AFDN: variants seen among roughly 807,000 people sequenced by gnomAD.
The protein encoded by AFDN is afadin.
A neutral mutation model predicts 216.6 loss-of-function variants in AFDN; 68 were observed. The ratio of observed to expected loss-of-function variants is 0.31; its 90% CI spans 0.26 to 0.38. The LOEUF is 0.38. Ranked by LOEUF, AFDN falls within the 10% of genes least tolerant of loss-of-function variation. AFDN has a pLI of 1.00. For missense variants in AFDN, 2,136 were observed against 2,342.0 expected (o/e 0.91, Z 1.82); for synonymous variants, 868 against 853.7 (o/e 1.02, Z -0.29).
intron 31 of AFDN, chr6:167,964,853 T>C: frequency 9.4e-7 from 1 of 1,065,544 alleles, no homozygotes; most frequent in Non-Finnish European, 1.1e-6. Context: ...TTCATCCCCC[T>C]TCTTATTTAC....
intron 11 of AFDN, among the ~76,000 whole-genome samples, chr6:167,898,958 AT>A (rs953854026): frequency 4.6e-5 from 7 of 152,100 alleles, no homozygotes; most frequent in South Asian, 2.1e-4. Flanking sequence ...ATCTAGTAAA[AT>A]TTTTTTGTAG....
intron 6 of AFDN, among the ~76,000 whole-genome samples, chr6:167,881,558 G>A (rs1297077751): frequency 2.0e-5 from 3 of 152,184 alleles, no homozygotes; most frequent in African/African-American, 7.2e-5. Context: ...TCAGGAATTA[G>A]AGGCTTTGGA....
At position 167,951,671 on chromosome 6, in the gene AFDN, G is replaced by A; in HGVS notation, c.4317G>A (p.Arg1439=). 4 of 1,613,992 alleles carry A rather than the reference G, an allele frequency of 2.5e-6. No homozygotes were observed. Among genetic ancestry groups the A allele is most frequent in the Non-Finnish European group, 3.4e-6 (4 of 1,179,940 alleles). Residue 1439 remains arginine (R), a synonymous_variant, in exon 30 of 34, where the codon AGG becomes AGA. Transcript: ENST00000683244. The surrounding 1 kb of genome is among the most constrained non-coding windows in gnomAD (Gnocchi z 7.1). Reference sequence around the variant, plus strand: ...CCCGCCTGGAGGAGGAGCGGGAGAGGAAGCGGAGAGAGCAGGAGAGGAAGT... The same window carrying A: ...CCCGCCTGGAGGAGGAGCGGGAGAGAAAGCGGAGAGAGCAGGAGAGGAAGT... ...EKARLEEERE[R]KRREQERKLG... is the part of the protein sequence containing the mutation.
chr6:167,837,954 A>G (rs1469098041), intron 1 of AFDN, among the ~76,000 whole-genome samples: 2 of 152,208 alleles, frequency 1.3e-5, no homozygotes, highest in South Asian at 2.1e-4. Flanking sequence ...TTTTATTTGG[A>G]TCATATACTT....
Position 167,914,645 on chromosome 6 carries a change from T to C in AFDN, c.2206T>C (p.Tyr736His). ...CTTAAATTGTCTATGTATTTTCAGATACTTGGTTCACTGTCTTCAATCAGA... is the reference window on the plus strand; with the variant it reads ...CTTAAATTGTCTATGTATTTTCAGACACTTGGTTCACTGTCTTCAATCAGA... ...LAHLVQMAFK[Y>H]LVHCLQSELN... is the part of the protein sequence containing the mutation. The change falls in exon 18 of 34, where the codon TAC (tyrosine) becomes CAC (histidine). Residue 736 changes from tyrosine (Y) to histidine (H), a missense_variant and splice_region_variant. Tyr to His is a moderately conservative substitution (Grantham distance 83). Around this residue, in one of 8 missense-constraint regions of AFDN, gnomAD observed 817 missense variants for 965.7 expected, o/e 0.85. Coordinates refer to ENST00000683244, the MANE Select transcript of AFDN (RefSeq NM_001386888.1). 1 of 1,601,136 alleles carries C rather than the reference T, an allele frequency of 6.2e-7. No individual in the cohort carries two copies. Among genetic ancestry groups the C allele is most frequent in the Middle Eastern group, 1.7e-4 (1 of 6,032 alleles).
In AFDN at chr6:167,911,103, C is replaced by G. The variant is rs188473435; in HGVS notation, c.1772C>G (p.Thr591Arg). The G allele has an allele frequency of 1.9e-6, 3 of 1,612,334 alleles. No individual in the cohort carries two copies. The highest frequency in any genetic ancestry group is 1.7e-6 in the Non-Finnish European group (2 of 1,179,404). Residue 591 changes from threonine to arginine, a missense_variant and splice_region_variant, in exon 14 of 34, where the codon ACA (threonine) becomes AGA (arginine). Thr to Arg is a moderately conservative substitution (Grantham distance 71). Transcript: ENST00000683244. ...TGATGTCAGCTTTCTTCTTTTAGAA[C>G]ACAGGATGCTTCTGGGCCTGAGCTG... ...QPDYRRQESR[T>R]QDASGPELIL...
At chr6:167,899,140 A>G (rs1005039258) in intron 11 of AFDN, among the ~76,000 whole-genome samples, 3 of 151,904 alleles carry the variant, frequency 2.0e-5, no homozygotes, top group Non-Finnish European at 2.9e-5. Flanking sequence ...GGCCTTTCCC[A>G]TTGTTTTGTT....
intron 31 of AFDN, chr6:167,963,432 T>A: frequency 9.5e-7 from 1 of 1,054,344 alleles, no homozygotes; most frequent in African/African-American, 1.7e-5. Flanking sequence ...TAGTTTTTAT[T>A]AATAATTCCT....
chr6:167,876,076 G>A lies in AFDN; in HGVS notation c.739+581G>A, dbSNP rs1348200894. Among the ~76,000 whole-genome samples, 24 of 152,106 alleles carry A rather than the reference G, an allele frequency of 1.6e-4. 1 individual carries two copies. Among genetic ancestry groups the A allele is most frequent in the Admixed American group, 1.3e-3 (20 of 15,268 alleles). On this transcript the variant is annotated intron_variant, in intron 5 of 33. Coordinates refer to ENST00000683244, the MANE Select transcript of AFDN (RefSeq NM_001386888.1). ...GTTTGAGATGGGATCTAAATGAGAT[G>A]TAACACATTGAATGCATGGTCACTT...
intron 1 of AFDN, among the ~76,000 whole-genome samples, chr6:167,844,859 T>C (rs1169397632): frequency 2.1e-5 from 3 of 144,738 alleles, no homozygotes; most frequent in Non-Finnish European, 4.5e-5. Flanking sequence ...CTTTTTTTTT[T>C]TTTTTTTTTT....
At chr6:167,883,090 A>T (rs1478099520) in intron 6 of AFDN, among the ~76,000 whole-genome samples, 1 of 152,122 alleles carries the variant, frequency 6.6e-6, no homozygotes, top group African/African-American at 2.4e-5. Flanking sequence ...GACATTGTCC[A>T]GCAGAATGAT....
At chr6:167,921,320 G>C (rs551641818) in intron 21 of AFDN, among the ~76,000 whole-genome samples, 3 of 152,282 alleles carry the variant, frequency 2.0e-5, no homozygotes, top group South Asian at 4.1e-4. Flanking sequence ...TAGGACATAC[G>C]TGATATTTCC....
intron 22 of AFDN, among the ~76,000 whole-genome samples, chr6:167,923,874 C>T (rs897253382): frequency 2.6e-5 from 4 of 152,046 alleles, no homozygotes; most frequent in Non-Finnish European, 4.4e-5. Flanking sequence ...ATTCGCCCAC[C>T]TCAGCCTCCC....
chr6:167,964,310 A>G (rs553952322), intron 31 of AFDN: 1 of 1,064,090 alleles, frequency 9.4e-7, no homozygotes, highest in African/African-American at 1.6e-5. Flanking sequence ...TGCTCTTGGT[A>G]TAACTAAAAG....
chr6:167,862,312 A>G (rs1177637736), intron 1 of AFDN, among the ~76,000 whole-genome samples: 1 of 151,872 alleles, frequency 6.6e-6, no homozygotes, highest in Non-Finnish European at 1.5e-5. Flanking sequence ...TGTCATTAAT[A>G]TTACCTAAGA....
intron 10 of AFDN, 57 bp from the exon 11 acceptor site, chr6:167,898,148 T>A: frequency 1.3e-6 from 2 of 1,584,226 alleles, no homozygotes; most frequent in Middle Eastern, 3.4e-4. Flanking sequence ...TAACATTCTG[T>A]GTTTAAATGC....
At chr6:167,844,219 T>TGTGTGTGTGTGTGTG (rs1583126215) in intron 1 of AFDN, among the ~76,000 whole-genome samples, 1 of 144,950 alleles carries the variant, frequency 6.9e-6, no homozygotes, top group African/African-American at 2.5e-5. Context: ...TGTGTGTGTG[T>TGTGTGTGTGTGTGTG]TTTGAGATGA....
At chr6:167,864,017 C>T (rs1255572866) in intron 1 of AFDN, among the ~76,000 whole-genome samples, 1 of 152,128 alleles carries the variant, frequency 6.6e-6, no homozygotes, top group East Asian at 1.9e-4. Flanking sequence ...CAACATTTCC[C>T]TCTTGCTTTT....
chr6:167,886,649 A>G (rs1397098135), intron 6 of AFDN, among the ~76,000 whole-genome samples: 1 of 152,200 alleles, frequency 6.6e-6, no homozygotes, highest in African/African-American at 2.4e-5. Context: ...GTCCATGGAT[A>G]TGATGGGTTT....
Sources: allele counts gnomAD v4.1 joint callset (sites outside exome capture counted in the v4.1 genomes callset), GRCh38; gene constraint gnomAD v4.1.1; regional missense constraint gnomAD v4.1.1; non-coding constraint Gnocchi (gnomAD v3.1); transcripts MANE v1.5; gene names NCBI Gene and HGNC (gene_info 2026-07-23, HGNC 2026-07-21).